The following KCNH4 variants were observed in gnomAD, a reference collection of about 807,000 sequenced individuals.
KCNH4 encodes potassium voltage-gated channel subfamily H member 4.
A neutral mutation model predicts 90.7 loss-of-function variants in KCNH4; 33 were observed. The ratio of observed to expected loss-of-function variants is 0.36; its 90% CI spans 0.28 to 0.49. The LOEUF is 0.49. KCNH4 is among the 20% of genes least tolerant of loss of function. The pLI is 0.98. For missense variants in KCNH4, 1,044 were observed against 1,387.1 expected (o/e 0.75, Z 3.93); for synonymous variants, 551 against 581.7 (o/e 0.95, Z 0.76).
At chr17:42,170,863 G>A (rs1053175123) in intron 7 of KCNH4, among the ~76,000 whole-genome samples, 6 of 152,356 alleles carry the variant, frequency 3.9e-5, no homozygotes, top group African/African-American at 1.4e-4. Context: ...TCTAGGTGGA[G>A]AGGGAAGACA....
Position 42,165,333 on chromosome 17 carries a change from G to A in KCNH4, c.2085+116C>T. ...TAAGGGGCAATGGAGGAGGGTGCCT[G>A]GGCTTCAGGCATGTGTTTTTAGGGT... On this transcript the variant is annotated intron_variant, in intron 11 of 16. Coordinates refer to ENST00000264661, the MANE Select transcript of KCNH4 (RefSeq NM_012285.3). 3 of 1,322,192 alleles carry A rather than the reference G, an allele frequency of 2.3e-6. No homozygotes were observed. In the South Asian group the frequency reaches 4.0e-5, roughly 18 times the overall value. The allele number at this position is 1,322,192 out of a possible 1,614,324, so 81.9% of individuals were successfully genotyped here.
chr17:42,165,608 G>C lies in KCNH4; in HGVS notation c.1926C>G (p.Thr642=). The C allele has an allele frequency of 6.2e-7, 1 of 1,614,202 alleles. No homozygotes were observed. Among genetic ancestry groups the C allele is most frequent in the Non-Finnish European group, 8.5e-7 (1 of 1,180,024 alleles). The change falls in exon 11 of 17, where the codon ACC becomes ACG. Residue 642 remains threonine, a synonymous_variant. Transcript: ENST00000264661. ...LGADPNFVLK[T]SADVKALTYC... is the part of the protein sequence containing the mutation. ...AGGTCAGAGCTTTCACATCAGCACTGGTCTTTAGCACGAAGTTTGGGTCTG... is the reference window on the plus strand; with the variant it reads ...AGGTCAGAGCTTTCACATCAGCACTCGTCTTTAGCACGAAGTTTGGGTCTG...
Position 42,180,727 on chromosome 17 carries a change from A to T in KCNH4, c.76+143T>A. 3.8e-6 allele frequency: 3 copies of T among 785,362 alleles called. No individual in the cohort carries two copies. In the South Asian group the frequency reaches 5.2e-5, roughly 14 times the overall value. The allele number at this position is 785,362 out of a possible 1,614,324, so 48.6% of individuals were successfully genotyped here. A position where few individuals can be genotyped will look rare whatever the true frequency, so the allele number is the denominator to read the frequency against. ...AGGGCACTCCCCGCCCTGTTCCTGC[A>T]CCGCGGCTTTGGGAGTTCCTAGACC... is the stretch of plus-strand genomic sequence containing the variant. On this transcript the variant is annotated intron_variant, in intron 1 of 16. Coordinates refer to ENST00000264661, the MANE Select transcript of KCNH4 (RefSeq NM_012285.3). This position sits in a 1 kb window ranked among gnomAD's most constrained non-coding sequence, Gnocchi z 4.7.
At chr17:42,168,606 T>C (rs2079803542) in intron 9 of KCNH4, among the ~76,000 whole-genome samples, 1 of 151,764 alleles carries the variant, frequency 6.6e-6, no homozygotes, top group Admixed American at 6.6e-5. Flanking sequence ...AGCACACCAC[T>C]GCACTCCAGC....
Position 42,159,962 on chromosome 17 carries a change from G to A in KCNH4, c.*78C>T, listed in dbSNP as rs1228595001. On this transcript the variant is annotated 3_prime_UTR_variant, in exon 16 of 17. Coordinates refer to ENST00000264661, the MANE Select transcript of KCNH4 (RefSeq NM_012285.3). ...CTGGTGGCTGCTGACCCCAAGGCAG[G>A]AAGCCAAGGGGCCCAGGTCCTCCCT... 2 of 1,202,376 alleles carry A rather than the reference G, an allele frequency of 1.7e-6. No individual in the cohort carries two copies. The highest frequency in any genetic ancestry group is 3.1e-5 in the African/African-American group (2 of 65,032). The allele number at this position is 1,202,376 out of a possible 1,614,324, so 74.5% of individuals were successfully genotyped here.
chr17:42,179,983 G>A (rs2079889849), intron 1 of KCNH4, among the ~76,000 whole-genome samples: 1 of 152,228 alleles, frequency 6.6e-6, no homozygotes, highest in Admixed American at 6.5e-5. Context: ...GACTGTCTGG[G>A]GGCAGGGAGG....
intron 6 of KCNH4, among the ~76,000 whole-genome samples, chr17:42,174,306 C>G (rs150251044): frequency 6.6e-6 from 1 of 152,106 alleles, no homozygotes; most frequent in South Asian, 2.1e-4. Flanking sequence ...CCGTGGGGCT[C>G]CCATGTGATG....
At chr17:42,170,684 T>A (rs775026358) in intron 7 of KCNH4, among the ~76,000 whole-genome samples, 2 of 152,164 alleles carry the variant, frequency 1.3e-5, no homozygotes, top group Non-Finnish European at 2.9e-5. Flanking sequence ...GAAAGTATTG[T>A]ATAGGGTGTG....
chr17:42,165,919 C>T (rs187132033), intron 10 of KCNH4, among the ~76,000 whole-genome samples: 49 of 151,964 alleles, frequency 3.2e-4, no homozygotes, highest in African/African-American at 9.2e-4. Flanking sequence ...GCCAGAGGAA[C>T]GATCAGTGGA....
At position 42,163,115 on chromosome 17, in the gene KCNH4, G is replaced by T. The variant is rs2144121197; in HGVS notation, c.2584+113C>A. On this transcript the variant is annotated intron_variant, in intron 14 of 16. Transcript: ENST00000264661. The surrounding 1 kb of genome is among the most constrained non-coding windows in gnomAD (Gnocchi z 5.4). ...AGCGTGGGCCAGGTCTGTTTTATCT[G>T]TGTATTCCCAGGATGGCACCTGGCA... 1.3e-6 allele frequency: 1 copy of T among 762,028 alleles called. No individual in the cohort carries two copies. The highest frequency in any genetic ancestry group is 2.4e-6 in the Non-Finnish European group (1 of 425,042). The allele number at this position is 762,028 out of a possible 1,614,324, so 47.2% of individuals were successfully genotyped here.
At position 42,180,738 on chromosome 17, in the gene KCNH4, G is replaced by T; in HGVS notation, c.76+132C>A. The T allele has an allele frequency of 1.1e-6, 1 of 907,372 alleles. No homozygotes were observed. Among genetic ancestry groups the T allele is most frequent in the Non-Finnish European group, 1.7e-6 (1 of 572,554 alleles). The allele number at this position is 907,372 out of a possible 1,614,324, so 56.2% of individuals were successfully genotyped here. A position where few individuals can be genotyped will look rare whatever the true frequency, so the allele number is the denominator to read the frequency against. On this transcript the variant is annotated intron_variant, in intron 1 of 16. Coordinates refer to ENST00000264661, the MANE Select transcript of KCNH4 (RefSeq NM_012285.3). The surrounding 1 kb of genome is among the most constrained non-coding windows in gnomAD (Gnocchi z 4.7). ...CGCCCTGTTCCTGCACCGCGGCTTT[G>T]GGAGTTCCTAGACCCGCACCTCCAT...
chr17:42,177,966 T>C, intron 4 of KCNH4, 134 bp downstream of exon 4: 1 of 1,080,092 alleles, frequency 9.3e-7, no homozygotes, highest in Non-Finnish European at 1.4e-6. Flanking sequence ...GAGTAGTATA[T>C]GGGAAATGGG....
rs769666754 is a variant in KCNH4 at position 42,163,825 on chromosome 17, C to T, written c.2258G>A (p.Arg753Gln). The T allele has an allele frequency of 1.3e-5, 19 of 1,517,100 alleles. No individual in the cohort carries two copies. Among genetic ancestry groups the T allele is most frequent in the African/African-American group, 2.8e-5 (2 of 71,690 alleles). 94.0% of individuals were successfully genotyped at this position (1,517,100 alleles called of 1,614,324 possible). A position where few individuals can be genotyped will look rare whatever the true frequency, so the allele number is the denominator to read the frequency against. The part of the protein sequence containing the change: ...PLLLPNLSPA[R>Q]PRGSLVSLLG... The stretch of plus-strand genomic sequence containing the variant: ...AAGGCTGACCAGGGAGCCCCGAGGC[C>T]GTGCTGGGCTGAGGTTGGGCAGCAG... The change falls in exon 13 of 17, where the codon CGG becomes CAG. Residue 753 changes from arginine (R) to glutamine (Q), a missense_variant. Arg to Gln is a conservative substitution (Grantham distance 43). Coordinates refer to ENST00000264661, the MANE Select transcript of KCNH4 (RefSeq NM_012285.3). The surrounding 1 kb of genome is among the most constrained non-coding windows in gnomAD (Gnocchi z 5.4).
intron 6 of KCNH4, 76 bp downstream of exon 6, chr17:42,175,503 G>A: frequency 6.6e-7 from 1 of 1,525,398 alleles, no homozygotes; most frequent in Non-Finnish European, 9.1e-7. Context: ...ATCTGGGTTT[G>A]GGGTCAGTCC....
intron 9 of KCNH4, among the ~76,000 whole-genome samples, chr17:42,168,134 C>T (rs2079800490): frequency 6.6e-6 from 1 of 152,186 alleles, no homozygotes; most frequent in South Asian, 2.1e-4. Flanking sequence ...GACATCCCTC[C>T]TTTACAGCCC....
rs2079781344 is a variant in KCNH4 at position 42,165,563 on chromosome 17, C to T, written c.1971G>A (p.Leu657=). 6.2e-7 allele frequency: 1 copy of T among 1,614,080 alleles called. No individual in the cohort carries two copies. ...GGACCTCAGCCAGCCCTCGGCTGCT[C>T]AGCTGCTGCAGGCCACAGTAGGTCA... ...KALTYCGLQQ[L]SSRGLAEVLR... Residue 657 remains leucine (L), a synonymous_variant, in exon 11 of 17, where the codon CTG becomes CTA. Transcript: ENST00000264661.
At chr17:42,178,266 T>C (rs762081943) in intron 3 of KCNH4, 39 bp from the exon 4 acceptor site, 7 of 1,614,056 alleles carry the variant, frequency 4.3e-6, no homozygotes, top group Non-Finnish European at 5.9e-6. Flanking sequence ...TTGGGGCACA[T>C]CCCTTGCGGC....
intron 11 of KCNH4, 79 bp from the exon 12 acceptor site, chr17:42,164,247 A>G (rs569705485): frequency 7.7e-7 from 1 of 1,292,076 alleles, no homozygotes; most frequent in East Asian, 2.6e-5. Flanking sequence ...CCCACCCAAC[A>G]GTGTTATGGG....
At chr17:42,173,629 G>C (rs893770767) in intron 6 of KCNH4, among the ~76,000 whole-genome samples, 1 of 147,810 alleles carries the variant, frequency 6.8e-6, no homozygotes, top group Non-Finnish European at 1.5e-5. Flanking sequence ...AGGGGCCCTG[G>C]TTACCTGGGA....
Sources: allele counts gnomAD v4.1 joint callset (sites outside exome capture counted in the v4.1 genomes callset), GRCh38; gene constraint gnomAD v4.1.1; non-coding constraint Gnocchi (gnomAD v3.1); transcripts MANE v1.5; gene names NCBI Gene and HGNC (gene_info 2026-07-23, HGNC 2026-07-21).